Variants in HERC2 observed in about 807,000 individuals in gnomAD.
The protein encoded by HERC2 is E3 ubiquitin-protein ligase HERC2.
In HERC2, 102 loss-of-function variants were observed where a neutral mutation model predicts 537.7. The observed-to-expected ratio is 0.19, with a 90% CI of 0.16 to 0.22. The LOEUF is 0.22. Ranked by LOEUF, HERC2 falls within the 10% of genes least tolerant of loss-of-function variation. HERC2 has a pLI of 1.00. For synonymous variants in HERC2, 2,224 were observed against 2,466.2 expected, an observed-to-expected ratio of 0.90 and a Z score of 2.91; for missense variants, 4,236 against 6,198.2, an observed-to-expected ratio of 0.68 and a Z score of 10.63.
chr15:28,280,067 C>T lies in HERC2; in HGVS notation c.542+1G>A. ...GGATTCTTTCTTCGCTTTATTGTTACCTTTTTTTGTCCACAGGAGGCAGAG... is the reference window on the plus strand; with the variant it reads ...GGATTCTTTCTTCGCTTTATTGTTATCTTTTTTTGTCCACAGGAGGCAGAG... On this transcript the variant is annotated splice_donor_variant, in intron 5 of 92. Transcript: ENST00000261609. LOFTEE classifies it high-confidence loss of function. The T allele has an allele frequency of 6.2e-7, 1 of 1,608,382 alleles. No homozygotes were observed. The highest frequency in any genetic ancestry group is 8.5e-7 in the Non-Finnish European group (1 of 1,176,520).
intron 35 of HERC2, among the ~76,000 whole-genome samples, chr15:28,226,440 A>G (rs1901179299): frequency 6.6e-6 from 1 of 151,934 alleles, no homozygotes; most frequent in African/African-American, 2.4e-5. Flanking sequence ...TGTAATTGAG[A>G]GTCCAGAAAT....
At chr15:28,255,807 G>C in intron 19 of HERC2, 65 bp downstream of exon 19, 1 of 1,512,914 alleles carries the variant, frequency 6.6e-7, no homozygotes, top group Admixed American at 1.8e-5. Flanking sequence ...TATTCTTCAC[G>C]TGTGTGAGTG....
chr15:28,174,828 C>T (rs57079108), intron 64 of HERC2, among the ~76,000 whole-genome samples: 10,575 of 152,146 alleles, frequency 0.07, 885 homozygotes, highest in East Asian at 0.42. Flanking sequence ...AAAATGCTTG[C>T]TAATACCTAT....
chr15:28,215,616 A>G lies in HERC2; in HGVS notation c.6210+5T>C. ...GGGAACTGGTTTTGCCTGGCAGCAC[A>G]TTACCTGCCTCTGCAGCGAGGTGGC... On this transcript the variant is annotated splice_donor_5th_base_variant and intron_variant, in intron 39 of 92. Coordinates refer to ENST00000261609, the MANE Select transcript of HERC2 (RefSeq NM_004667.6). 2 of 1,596,924 alleles carry G rather than the reference A, an allele frequency of 1.3e-6. No homozygotes were observed.
chr15:28,204,616 CAAAAAAA>C (rs55840834), intron 45 of HERC2, among the ~76,000 whole-genome samples: 1 of 51,276 alleles, frequency 2.0e-5, no homozygotes, highest in Non-Finnish European at 3.8e-5. Flanking sequence ...GAGACTCCGT[CAAAAAAA>C]AAAAAAAAAA....
chr15:28,189,118 C>T (rs1296491160), intron 55 of HERC2, among the ~76,000 whole-genome samples: 1 of 152,058 alleles, frequency 6.6e-6, no homozygotes, highest in East Asian at 1.9e-4. Context: ...CCATAACAAA[C>T]TATTTGTACA....
intron 68 of HERC2, 23 bp downstream of exon 68, chr15:28,167,664 G>T (rs775378006): frequency 7.4e-6 from 12 of 1,612,686 alleles, no homozygotes; most frequent in Non-Finnish European, 9.3e-6. Context: ...ACAATACAAA[G>T]TTAAAGAAGA....
At chr15:28,298,202 G>A (rs1474812288) in intron 3 of HERC2, among the ~76,000 whole-genome samples, 8 of 143,982 alleles carry the variant, frequency 5.6e-5, no homozygotes, top group Non-Finnish European at 9.1e-5. Context: ...CACCCAGGCT[G>A]GAGTGCAGTA....
chr15:28,255,619 A>G (rs865903504), intron 19 of HERC2, among the ~76,000 whole-genome samples: 15 of 152,046 alleles, frequency 9.9e-5, no homozygotes, highest in Admixed American at 5.2e-4. Flanking sequence ...CTTTCCGGGT[A>G]ACGGGAATGG....
At chr15:28,167,558 G>A (rs1366150813) in intron 68 of HERC2, 129 bp downstream of exon 68, 3 of 1,092,534 alleles carry the variant, frequency 2.7e-6, no homozygotes, top group Non-Finnish European at 1.3e-6. Flanking sequence ...CTTCGAAGAT[G>A]CTAACAAGTG....
chr15:28,237,541 T>C (rs1347861277), intron 25 of HERC2, among the ~76,000 whole-genome samples: 1 of 152,198 alleles, frequency 6.6e-6, no homozygotes, highest in Admixed American at 6.5e-5. Context: ...GAAATGAAAT[T>C]TATTCTAACA....
chr15:28,265,946 C>T lies in HERC2; in HGVS notation c.1627G>A (p.Ala543Thr), dbSNP rs139846899. 8.7e-5 allele frequency: 140 copies of T among 1,614,124 alleles called. No individual in the cohort carries two copies. Among genetic ancestry groups the T allele is most frequent in the Non-Finnish European group, 1.2e-4 (138 of 1,180,016 alleles). ...TTCCCGGCCTGCTTTCCAGAGAAGG[C>T]GGAGATCACCTTAGGCTCCTCCAAA... ...VPLEEPKVIS[A>T]FSGKQAGKHV... Residue 543 changes from alanine to threonine, a missense_variant, in exon 13 of 93, where the codon GCC (alanine) becomes ACC (threonine). This residue lies in a region of HERC2 where 754 missense variants were observed against 1,085.0 expected (regional missense o/e 0.69). Coordinates refer to ENST00000261609, the MANE Select transcript of HERC2 (RefSeq NM_004667.6). This position sits in a 1 kb window ranked among gnomAD's most constrained non-coding sequence, Gnocchi z 4.0.
At chr15:28,295,635 T>G (rs2076448236) in intron 3 of HERC2, among the ~76,000 whole-genome samples, 1 of 152,084 alleles carries the variant, frequency 6.6e-6, no homozygotes, top group Non-Finnish European at 1.5e-5. Context: ...TGACCTCAGG[T>G]GATCCGCCTG....
rs773744416 is a variant in HERC2, at chr15:28,268,412, A to G, written c.1598+53T>C. Reference sequence around the variant, plus strand: ...ACTTCTGCGCTCCATCCTGTTTAGGATATGGCAACATAAAAGGAGAGTGTG... The same window carrying G: ...ACTTCTGCGCTCCATCCTGTTTAGGGTATGGCAACATAAAAGGAGAGTGTG... On this transcript the variant is annotated intron_variant, in intron 12 of 92. Coordinates refer to ENST00000261609, the MANE Select transcript of HERC2 (RefSeq NM_004667.6). This position sits in a 1 kb window ranked among gnomAD's most constrained non-coding sequence, Gnocchi z 4.7. 77 of 1,545,304 alleles carry G rather than the reference A, an allele frequency of 5.0e-5. No individual in the cohort carries two copies. Among genetic ancestry groups the G allele is most frequent in the Non-Finnish European group, 6.3e-5 (71 of 1,127,058 alleles).
chr15:28,305,002 G>C (rs953512165), intron 2 of HERC2, among the ~76,000 whole-genome samples: 5 of 149,636 alleles, frequency 3.3e-5, no homozygotes, highest in African/African-American at 1.2e-4. Flanking sequence ...TACTAAGAAT[G>C]ATGGTTTCCA....
At position 28,254,489 on chromosome 15, in the gene HERC2, C is replaced by T. The variant is rs2075190333; in HGVS notation, c.2901G>A (p.Lys967=). 1 of 1,594,238 alleles carries T rather than the reference C, an allele frequency of 6.3e-7. No individual in the cohort carries two copies. The highest frequency in any genetic ancestry group is 1.7e-4 in the Middle Eastern group (1 of 6,006). Residue 967 remains lysine, a synonymous_variant, in exon 20 of 93, where the codon AAG becomes AAA. Transcript: ENST00000261609. ...QDIEAKKEAQ[K]EKEIDEQEAN... ...CTTCCTGTTCATCAATTTCTTTTTC[C>T]TTCTGTGCTTCTTTTTTGGCTTCAA...
At position 28,192,100 on chromosome 15, in the gene HERC2, T is replaced by G. The variant is rs1006141302; in HGVS notation, c.8312A>C (p.His2771Pro). ...CAGCAGCATGCCTGGCTGGCTGCTGTGGCAACGCTTCAGCTGTTTTCCAGA... is the reference window on the plus strand; with the variant it reads ...CAGCAGCATGCCTGGCTGGCTGCTGGGGCAACGCTTCAGCTGTTTTCCAGA... ...GRSGKQLKRC[H>P]SSQPGMLLDS... is the part of the protein sequence containing the mutation. Residue 2771 changes from histidine (H) to proline (P), a missense_variant, in exon 53 of 93, where the codon CAC becomes CCC. His to Pro is a moderately conservative substitution (Grantham distance 77). Around this residue, in one of 27 missense-constraint regions of HERC2, gnomAD observed 606 missense variants for 884.5 expected, o/e 0.69. Transcript: ENST00000261609. 6.2e-7 allele frequency: 1 copy of G among 1,612,666 alleles called. No individual in the cohort carries two copies. Among genetic ancestry groups the G allele is most frequent in the African/African-American group, 1.3e-5 (1 of 74,912 alleles).
intron 2 of HERC2, among the ~76,000 whole-genome samples, chr15:28,318,634 AAG>A (rs2077153360): frequency 6.6e-6 from 1 of 152,098 alleles, no homozygotes; most frequent in African/African-American, 2.4e-5. Context: ...AAAAAAAAAA[AAG>A]TATTGTACAA....
intron 48 of HERC2, among the ~76,000 whole-genome samples, chr15:28,200,918 C>CTA (rs1897842343): frequency 7.1e-6 from 1 of 140,466 alleles, no homozygotes; most frequent in Non-Finnish European, 1.5e-5. Context: ...AGATAAAGGA[C>CTA]TATATAAAAC....
Sources: allele counts gnomAD v4.1 joint callset (sites outside exome capture counted in the v4.1 genomes callset), GRCh38; gene constraint gnomAD v4.1.1; regional missense constraint gnomAD v4.1.1; non-coding constraint Gnocchi (gnomAD v3.1); transcripts MANE v1.5; gene names NCBI Gene and HGNC (gene_info 2026-07-23, HGNC 2026-07-21).